The following TNIK variants were observed in gnomAD, a reference collection of about 807,000 sequenced individuals.
The protein encoded by TNIK is TRAF2 and NCK interacting kinase, also known as TRAF2 and NCK-interacting protein kinase.
In TNIK, 49 loss-of-function variants were observed where a neutral mutation model predicts 191.3. The ratio of observed to expected loss-of-function variants is 0.26; its 90% CI spans 0.20 to 0.32. The LOEUF is 0.32. Among genes scored for constraint, TNIK ranks in the 10% least tolerant of loss-of-function variants. TNIK has a pLI of 1.00. For synonymous variants in TNIK, 594 were observed against 600.9 expected (o/e 0.99, Z 0.17); for missense variants, 1,155 against 1,702.3 (o/e 0.68, Z 5.66).
chr3:171,214,610 G>A (rs1741241422), intron 3 of TNIK, among the ~76,000 whole-genome samples: 1 of 152,042 alleles, frequency 6.6e-6, no homozygotes, highest in Non-Finnish European at 1.5e-5. Context: ...AATGACCACT[G>A]GGCAATAATG....
chr3:171,357,474 A>C (rs763788205), intron 2 of TNIK, among the ~76,000 whole-genome samples: 1 of 151,390 alleles, frequency 6.6e-6, no homozygotes, highest in Non-Finnish European at 1.5e-5. Flanking sequence ...TTTTTAGCAG[A>C]GACGGGGTTT....
intron 2 of TNIK, among the ~76,000 whole-genome samples, chr3:171,262,403 A>G (rs914592866): frequency 1.3e-5 from 2 of 152,266 alleles, no homozygotes; most frequent in African/African-American, 4.8e-5. Flanking sequence ...GGTGTTTCAC[A>G]TCTCAATTTG....
chr3:171,383,205 G>T (rs1295135375), intron 1 of TNIK, among the ~76,000 whole-genome samples: 1 of 152,180 alleles, frequency 6.6e-6, no homozygotes, highest in Non-Finnish European at 1.5e-5. Context: ...GGCAAGGAAA[G>T]ACCAGAATTT....
At chr3:171,247,362 A>T (rs776076609) in intron 2 of TNIK, among the ~76,000 whole-genome samples, 2 of 152,260 alleles carry the variant, frequency 1.3e-5, no homozygotes, top group Non-Finnish European at 1.5e-5. Context: ...AATCAACAGG[A>T]CATGTAGATG....
intron 2 of TNIK, among the ~76,000 whole-genome samples, chr3:171,341,404 A>T (rs1757498965): frequency 7.1e-6 from 1 of 140,084 alleles, no homozygotes; most frequent in Admixed American, 7.9e-5. Flanking sequence ...CCCAGGAGGC[A>T]GAGGTTGTAG....
chr3:171,193,559 C>A (rs1332923921), intron 5 of TNIK, among the ~76,000 whole-genome samples: 1 of 152,120 alleles, frequency 6.6e-6, no homozygotes, highest in Admixed American at 6.5e-5. Context: ...TTTCTATTTG[C>A]CTTTTGCCTA....
intron 1 of TNIK, among the ~76,000 whole-genome samples, chr3:171,420,146 C>T (rs962216557): frequency 1.3e-5 from 2 of 152,102 alleles, no homozygotes; most frequent in African/African-American, 2.4e-5. Flanking sequence ...TTATTTCAAC[C>T]GATGTTTCAT....
At chr3:171,418,423 C>T (rs182991358) in intron 1 of TNIK, among the ~76,000 whole-genome samples, 1 of 152,104 alleles carries the variant, frequency 6.6e-6, no homozygotes, top group Non-Finnish European at 1.5e-5. Context: ...CATAATAGCC[C>T]AAAGGTAGAA....
intron 1 of TNIK, among the ~76,000 whole-genome samples, chr3:171,396,718 TAAAG>T (rs1720296842): frequency 1.3e-5 from 2 of 152,210 alleles, no homozygotes; most frequent in South Asian, 2.1e-4. Context: ...TTCTAGCAGT[TAAAG>T]AAAGCCAGTA....
intron 2 of TNIK, among the ~76,000 whole-genome samples, chr3:171,270,675 C>T (rs1408483542): frequency 1.3e-5 from 2 of 152,162 alleles, no homozygotes; most frequent in Non-Finnish European, 2.9e-5. Context: ...CTGCCTACTG[C>T]CCCAGCTGTT....
intron 32 of TNIK, among the ~76,000 whole-genome samples, chr3:171,065,131 G>A (rs1206016255): frequency 6.6e-6 from 1 of 152,166 alleles, no homozygotes; most frequent in Non-Finnish European, 1.5e-5. Context: ...GCTGGGGTAG[G>A]TTTTCAATCG....
At chr3:171,338,367 C>T (rs10936678) in intron 2 of TNIK, among the ~76,000 whole-genome samples, 39,571 of 152,070 alleles carry the variant, frequency 0.26, 5,454 homozygotes, top group East Asian at 0.48. Context: ...GAAAGCTGAA[C>T]CTCACCAGAG....
chr3:171,081,591 G>A (rs1253298717), intron 27 of TNIK, among the ~76,000 whole-genome samples: 1 of 148,004 alleles, frequency 6.8e-6, no homozygotes, highest in Non-Finnish European at 1.5e-5. Flanking sequence ...GGTGTTACTC[G>A]TTAAACTCCT....
intron 2 of TNIK, among the ~76,000 whole-genome samples, chr3:171,269,003 A>T (rs1255228668): frequency 6.6e-6 from 1 of 152,242 alleles, no homozygotes; most frequent in African/African-American, 2.4e-5. Context: ...AGAGTAATTC[A>T]ATTCTCACTT....
At chr3:171,179,937 T>C (rs1441194436) in intron 7 of TNIK, among the ~76,000 whole-genome samples, 3 of 152,168 alleles carry the variant, frequency 2.0e-5, no homozygotes, top group Non-Finnish European at 4.4e-5. Context: ...ACCTTGGTAG[T>C]TCTACCACCA....
At chr3:171,090,458 G>A (rs1195883740) in intron 23 of TNIK, among the ~76,000 whole-genome samples, 5 of 135,670 alleles carry the variant, frequency 3.7e-5, no homozygotes, top group Non-Finnish European at 3.1e-5. Flanking sequence ...TCTGTATTAA[G>A]TGGGTTCTTT....
chr3:171,308,987 G>C (rs755981615), intron 2 of TNIK, among the ~76,000 whole-genome samples: 3 of 152,080 alleles, frequency 2.0e-5, no homozygotes, highest in African/African-American at 7.2e-5. Flanking sequence ...AAAGCAGTTC[G>C]GTGATTTCTC....
intron 1 of TNIK, among the ~76,000 whole-genome samples, chr3:171,395,877 T>C (rs1282071356): frequency 2.0e-5 from 3 of 152,164 alleles, no homozygotes; most frequent in Admixed American, 2.0e-4. Context: ...TAGCCCAGGG[T>C]AATGTCTTGA....
chr3:171,068,278 C>A (rs906476893), intron 30 of TNIK, among the ~76,000 whole-genome samples: 9 of 152,252 alleles, frequency 5.9e-5, no homozygotes, highest in East Asian at 1.9e-4. Context: ...TAATGATAAT[C>A]CTATGGGATA....
Sources: allele counts gnomAD v4.1 joint callset (sites outside exome capture counted in the v4.1 genomes callset), GRCh38; gene constraint gnomAD v4.1.1; transcripts MANE v1.5; gene names NCBI Gene and HGNC (gene_info 2026-07-23, HGNC 2026-07-21).